Variants in ACAP3 observed in about 807,000 individuals in gnomAD.
The protein encoded by ACAP3 is arf-GAP with coiled-coil, ANK repeat and PH domain-containing protein 3.
Under a neutral mutation model 104.1 loss-of-function variants are expected in ACAP3, and 56 were observed. The ratio of observed to expected loss-of-function variants is 0.54; its 90% CI spans 0.43 to 0.67. ACAP3 has a LOEUF of 0.67. Ranked by LOEUF, ACAP3 falls within the 30% of genes least tolerant of loss-of-function variation. The probability of loss-of-function intolerance (pLI) is 0.00; values close to 1 mark genes in which losing one functional copy is unlikely to be tolerated. For synonymous variants in ACAP3, 628 were observed against 496.2 expected (o/e 1.27, Z -3.53); for missense variants, 1,208 against 1,174.9 (o/e 1.03, Z -0.41).
chr1:1,293,731 A>ACGCCCCTGCCCTGGAGACCC (rs1553161393), intron 23 of ACAP3, 23 bp from the exon 24 acceptor site: 1 of 938,914 alleles, frequency 1.1e-6, no homozygotes, highest in African/African-American at 2.2e-5. Context: ...ACAGCGTGAG[A>ACGCCCCTGCCCTGGAGACCC]CGCCCCTGCC....
intron 14 of ACAP3, among the ~76,000 whole-genome samples, chr1:1,296,999 C>G (rs574296513): frequency 7.4e-4 from 113 of 152,392 alleles, no homozygotes; most frequent in African/African-American, 2.7e-3. Context: ...CACATCCACA[C>G]TGCACAAGCC....
At position 1,302,007 on chromosome 1, in the gene ACAP3, G is replaced by A. The variant is rs200090252; in HGVS notation, c.319C>T (p.Leu107Phe). 4 of 1,573,810 alleles carry A rather than the reference G, an allele frequency of 2.5e-6. No homozygotes were observed. Among genetic ancestry groups the A allele is most frequent in the Non-Finnish European group, 2.6e-6 (3 of 1,158,194 alleles). Residue 107 changes from leucine (L) to phenylalanine (F), a missense_variant, in exon 5 of 24, where the codon CTC becomes TTC. Leu to Phe is a conservative substitution (Grantham distance 22, BLOSUM62 0). Coordinates refer to ENST00000354700, the MANE Select transcript of ACAP3 (RefSeq NM_030649.3). The part of the protein sequence containing the change: ...DQAQRSVRQQ[L>F]QSFVKEDVRK... ...ACTCACTCTTTGACAAAGCTCTGGA[G>A]CTGCTGCCGCACGGACCTCTGGGCC...
chr1:1,293,759 G>GCCCTGGAGGCCCCGCCCCTA, intron 23 of ACAP3, 51 bp from the exon 24 acceptor site: 2 of 1,489,002 alleles, frequency 1.3e-6, no homozygotes, highest in Non-Finnish European at 1.8e-6. Context: ...CCCCGCCCCT[G>GCCCTGGAGGCCCCGCCCCTA]CCCTGGAGGC....
intron 6 of ACAP3, 109 bp downstream of exon 6, chr1:1,300,400 A>G: frequency 7.5e-7 from 1 of 1,329,782 alleles, no homozygotes; most frequent in Non-Finnish European, 1.0e-6. Context: ...CCATGGGCAA[A>G]GCAAGAATCG....
intron 1 of ACAP3, 184 bp from the exon 2 acceptor site, chr1:1,304,327 C>T (rs1641587446): frequency 1.5e-6 from 1 of 677,538 alleles, no homozygotes; most frequent in Non-Finnish European, 2.5e-6. Context: ...CTTCCCCCCG[C>T]CCCCCCAACC....
Position 1,297,909 on chromosome 1 carries a change from G to A in ACAP3, c.1041C>T (p.Ser347=), listed in dbSNP as rs771170360. ...PTKSCMLQAD[S]EKLRQAWVQA... ...GGACCCAGGCTTGCCGCAGCTTCTC[G>A]GAGTCAGCCTGCAGCATGCAGCTCC... The change falls in exon 14 of 24, where the codon TCC becomes TCT. Residue 347 remains serine (S), a synonymous_variant. Transcript: ENST00000354700. 42 of 1,611,976 alleles carry A rather than the reference G, an allele frequency of 2.6e-5. 1 individual carries two copies. The highest frequency in any genetic ancestry group is 2.5e-4 in the South Asian group (23 of 91,058).
chr1:1,296,664 G>C, intron 14 of ACAP3, 31 bp from the exon 15 acceptor site: 1 of 1,518,990 alleles, frequency 6.6e-7, no homozygotes, highest in Non-Finnish European at 8.8e-7. Context: ...GCTCGGTCCC[G>C]CAGGGGCTCC....
chr1:1,303,341 A>G lies in ACAP3; in HGVS notation c.106-60T>C. The G allele has an allele frequency of 6.5e-7, 1 of 1,537,742 alleles. No individual in the cohort carries two copies. Among genetic ancestry groups the G allele is most frequent in the South Asian group, 1.2e-5 (1 of 83,658 alleles). Reference sequence around the variant, plus strand: ...CACTGGCGCCTGCACTCGCCACCACACACGGCCACTCAGAGGCAGGAAGAG... The same window carrying G: ...CACTGGCGCCTGCACTCGCCACCACGCACGGCCACTCAGAGGCAGGAAGAG... On this transcript the variant is annotated intron_variant, in intron 2 of 23. Transcript: ENST00000354700. This position sits in a 1 kb window ranked among gnomAD's most constrained non-coding sequence, Gnocchi z 4.0.
In ACAP3 at chr1:1,296,438, A is replaced by T; in HGVS notation, c.1324T>A (p.Ser442Thr). The T allele has an allele frequency of 6.5e-7, 1 of 1,546,366 alleles. No individual in the cohort carries two copies. The highest frequency in any genetic ancestry group is 1.2e-5 in the South Asian group (1 of 84,046). The change falls in exon 15 of 24, where the codon TCC becomes ACC. Residue 442 changes from serine to threonine, a missense_variant. Ser to Thr is a moderately conservative substitution (Grantham distance 58). Transcript: ENST00000354700. ...TCAGGGGCCCACCTGTGGATGCCGG[A>T]GCACTCAATGCAGAGCAGCACGCCC... ...NLGVLLCIEC[S>T]GIHRSLGVHC...
chr1:1,307,511 C>A, intron 1 of ACAP3: 1 of 1,196,660 alleles, frequency 8.4e-7, no homozygotes, highest in Admixed American at 2.7e-5. Context: ...AGAGCGGGGG[C>A]GGACGGTCCC....
intron 1 of ACAP3, chr1:1,305,706 A>G (rs1271073245): frequency 6.5e-6 from 1 of 153,188 alleles, no homozygotes; most frequent in African/African-American, 2.4e-5. Context: ...AGCTTGGAGG[A>G]CGGGGAGGAG....
At chr1:1,294,250 C>T (rs940461827) in intron 21 of ACAP3, 51 bp from the exon 22 acceptor site, 29 of 1,531,048 alleles carry the variant, frequency 1.9e-5, no homozygotes, top group Non-Finnish European at 2.6e-5. Flanking sequence ...CCCCTCTCCG[C>T]GCCTCTGCAC....
In ACAP3 at chr1:1,295,526, T is replaced by A; in HGVS notation, c.1734A>T (p.Arg578=). The A allele has an allele frequency of 6.2e-7, 1 of 1,612,606 alleles. No homozygotes were observed. The highest frequency in any genetic ancestry group is 1.1e-5 in the South Asian group (1 of 91,082). Residue 578 remains arginine, a synonymous_variant, in exon 19 of 24, where the codon CGA becomes CGT. Coordinates refer to ENST00000354700, the MANE Select transcript of ACAP3 (RefSeq NM_030649.3). ...GCTCGTCGGGACAGAAGAGGGAGTCTCGGCGGAACTTACGATCCAGGGTGC... is the reference window on the plus strand; with the variant it reads ...GCTCGTCGGGACAGAAGAGGGAGTCACGGCGGAACTTACGATCCAGGGTGC... ...SVGTLDRKFR[R]DSLFCPDELD...
In ACAP3 at chr1:1,297,880, G is replaced by A. The variant is rs370450257; in HGVS notation, c.1070C>T (p.Ala357Val). 5.0e-6 allele frequency: 8 copies of A among 1,611,978 alleles called. No homozygotes were observed. Among genetic ancestry groups the A allele is most frequent in the Non-Finnish European group, 6.8e-6 (8 of 1,179,548 alleles). The change falls in exon 14 of 24, where the codon GCT becomes GTT. Residue 357 changes from alanine to valine, a missense_variant. Transcript: ENST00000354700. ...SEKLRQAWVQ[A>V]VQASIASAYR... is the part of the protein sequence containing the mutation. ...GGCGGAGGCGATGCTGGCCTGCACA[G>A]CCTGGACCCAGGCTTGCCGCAGCTT...
intron 10 of ACAP3, chr1:1,298,913 A>T: frequency 1.8e-6 from 1 of 561,704 alleles, no homozygotes. Flanking sequence ...TGGGGGCCCG[A>T]GAGTGCCGGC....
chr1:1,303,257 C>A lies in ACAP3; in HGVS notation c.130G>T (p.Val44Leu). 6.3e-7 allele frequency: 1 copy of A among 1,597,694 alleles called. No individual in the cohort carries two copies. Among genetic ancestry groups the A allele is most frequent in the Admixed American group, 1.7e-5 (1 of 57,936 alleles). Residue 44 changes from valine to leucine, a missense_variant, in exon 3 of 24, where the codon GTG becomes TTG. Coordinates refer to ENST00000354700, the MANE Select transcript of ACAP3 (RefSeq NM_030649.3). The surrounding 1 kb of genome is among the most constrained non-coding windows in gnomAD (Gnocchi z 4.0). ...DKLVKLCSGMVEAGKAYVSTS... is the reference protein window; with the variant it reads ...DKLVKLCSGMLEAGKAYVSTS... ...CTGACGTAGGCCTTACCGGCTTCCACCATGCCACTGCACAGCTTCACCAGC... is the reference window on the plus strand; with the variant it reads ...CTGACGTAGGCCTTACCGGCTTCCAACATGCCACTGCACAGCTTCACCAGC...
Position 1,303,955 on chromosome 1 carries a change from GA to G in ACAP3, c.105+130del. The stretch of plus-strand genomic sequence containing the variant: ...ACACATGCTAAGACACAGGGACCAG[GA>G]CCTGGAGCACCACACGCATGCTCCA... On this transcript the variant is annotated intron_variant, in intron 2 of 23. Transcript: ENST00000354700. The surrounding 1 kb of genome is among the most constrained non-coding windows in gnomAD (Gnocchi z 4.0). The G allele has an allele frequency of 9.2e-7, 1 of 1,087,396 alleles. No individual in the cohort carries two copies. The highest frequency in any genetic ancestry group is 1.3e-6 in the Non-Finnish European group (1 of 751,800). 67.4% of individuals were successfully genotyped at this position (1,087,396 alleles called of 1,614,324 possible). A position where few individuals can be genotyped will look rare whatever the true frequency, so the allele number is the denominator to read the frequency against.
intron 10 of ACAP3, 155 bp downstream of exon 10, chr1:1,299,190 C>T (rs962861350): frequency 1.7e-5 from 17 of 1,020,556 alleles, no homozygotes; most frequent in Middle Eastern, 2.1e-4. Flanking sequence ...GAGGTCTGGC[C>T]GGAGCCAGCC....
chr1:1,300,183 T>C lies in ACAP3; in HGVS notation c.542A>G (p.Lys181Arg). 6.2e-7 allele frequency: 1 copy of C among 1,610,064 alleles called. No homozygotes were observed. The highest frequency in any genetic ancestry group is 8.5e-7 in the Non-Finnish European group (1 of 1,178,446). ...AGAGTCCAGGATCTCAAACTTCTTC[T>C]TGGCCTGCAGAACATTGATCTGCCA... ...YVLQINVLQA[K>R]KKFEILDSML... Residue 181 changes from lysine (K) to arginine (R), a missense_variant, in exon 7 of 24, where the codon AAG becomes AGG. By Grantham distance (26) the Lys-to-Arg change is conservative. Coordinates refer to ENST00000354700, the MANE Select transcript of ACAP3 (RefSeq NM_030649.3).
Sources: gnomAD v4.1 joint callset for allele counts (sites outside exome capture counted in the v4.1 genomes callset) on GRCh38, gnomAD v4.1.1 for gene constraint, Gnocchi (gnomAD v3.1) non-coding constraint, MANE v1.5 for transcripts, NCBI Gene and HGNC (gene_info 2026-07-23, HGNC 2026-07-21) for gene names.